Variants in PLEKHS1 observed in about 807,000 individuals in gnomAD.
The protein encoded by PLEKHS1 is pleckstrin homology domain-containing family S member 1.
PLEKHS1 carries 55 observed loss-of-function variants against 51.0 expected under a neutral mutation model. That is an observed-to-expected ratio of 1.08 (90% CI 0.87 to 1.35). PLEKHS1 has a LOEUF of 1.35. PLEKHS1 is among the 40% of genes most tolerant of loss of function. The probability of loss-of-function intolerance (pLI) is 0.00; values close to 1 mark genes in which losing one functional copy is unlikely to be tolerated. For synonymous variants in PLEKHS1, 153 were observed against 144.8 expected, an observed-to-expected ratio of 1.06 and a Z score of -0.41; for missense variants, 398 against 423.0, an observed-to-expected ratio of 0.94 and a Z score of 0.52.
At chr10:113,778,721 G>C in intron 11 of PLEKHS1, among the ~76,000 whole-genome samples, 1 of 142,962 alleles carries the variant, frequency 7.0e-6, no homozygotes. Flanking sequence ...TCGGCTCACT[G>C]CAAGCTCCGC....
exon 5 of PLEKHS1, chr10:113,767,466 A>T (rs1192070891): frequency 6.2e-7 from 1 of 1,611,738 alleles, no homozygotes; most frequent in Admixed American, 1.7e-5. Flanking sequence ...ATACTTCCTC[A>T]TTGGCCACGA....
At chr10:113,761,444 T>TTA (rs200744156) in intron 2 of PLEKHS1, among the ~76,000 whole-genome samples, 1 of 101,490 alleles carries the variant, frequency 9.9e-6, no homozygotes, top group African/African-American at 3.5e-5. Flanking sequence ...AATTTATGTC[T>TTA]CTTTATTTCA....
chr10:113,781,338 C>T (rs1428572161), exon 12 of PLEKHS1: 2 of 81,200 alleles, frequency 2.5e-5, no homozygotes, highest in African/African-American at 9.0e-5. Flanking sequence ...TTCCCAAACA[C>T]CTCTTTCCCA....
chr10:113,757,913 C>A (rs1453993944), intron 2 of PLEKHS1, among the ~76,000 whole-genome samples: 1 of 152,212 alleles, frequency 6.6e-6, no homozygotes, highest in African/African-American at 2.4e-5. Context: ...CTTTTCATAT[C>A]CCGTAAGAAG....
At chr10:113,773,444 A>ATAAG (rs1554890365) in intron 8 of PLEKHS1, among the ~76,000 whole-genome samples, 5 of 152,084 alleles carry the variant, frequency 3.3e-5, no homozygotes, top group Non-Finnish European at 5.9e-5. Flanking sequence ...AAATAAATAA[A>ATAAG]TAAGTAAAAA....
intron 8 of PLEKHS1, among the ~76,000 whole-genome samples, chr10:113,773,690 T>C (rs1232863259): frequency 6.6e-6 from 1 of 152,176 alleles, no homozygotes; most frequent in African/African-American, 2.4e-5. Flanking sequence ...AACGGTGAAC[T>C]TAGGTAGGCC....
At chr10:113,763,574 A>T (rs1286058209) in intron 2 of PLEKHS1, among the ~76,000 whole-genome samples, 1 of 151,838 alleles carries the variant, frequency 6.6e-6, no homozygotes, top group Non-Finnish European at 1.5e-5. Flanking sequence ...AATCCATTTT[A>T]TCTCCTTTGT....
exon 10 of PLEKHS1, chr10:113,774,963 T>C: frequency 6.2e-7 from 1 of 1,614,178 alleles, no homozygotes; most frequent in Non-Finnish European, 8.5e-7. Flanking sequence ...CCTGCCGATG[T>C]GGAAGCACAG....
exon 12 of PLEKHS1, chr10:113,780,884 G>T: frequency 9.4e-7 from 1 of 1,065,976 alleles, no homozygotes. Flanking sequence ...ACCCCCCTCT[G>T]AATTTCTGCA....
At chr10:113,783,351 A>C (rs2134604479), downstream of PLEKHS1, 1 of 152,360 alleles carries the variant, frequency 6.6e-6, no homozygotes, top group East Asian at 1.9e-4. Context: ...TGATACATTA[A>C]GAATGAAAGA....
At chr10:113,756,913 CTTTTTTTTTT>C (rs397845343) in intron 2 of PLEKHS1, among the ~76,000 whole-genome samples, 3 of 109,894 alleles carry the variant, frequency 2.7e-5, no homozygotes, top group South Asian at 6.1e-4. Flanking sequence ...TTAGATTGGT[CTTTTTTTTTT>C]TTTTTTTTTT....
chr10:113,765,351 A>C (rs766936943), intron 2 of PLEKHS1: 2 of 779,480 alleles, frequency 2.6e-6, no homozygotes, highest in South Asian at 2.7e-5. Context: ...TACTCTACCC[A>C]ATGCCCTGTA....
At chr10:113,780,875 C>A (rs1030967659) in exon 12 of PLEKHS1, 2 of 1,168,976 alleles carry the variant, frequency 1.7e-6, no homozygotes, top group Admixed American at 2.8e-5. Flanking sequence ...ACAGTCGGCA[C>A]CCCCCTCTGA....
At chr10:113,754,558 C>T (rs937630876) in intron 1 of PLEKHS1, among the ~76,000 whole-genome samples, 6 of 152,048 alleles carry the variant, frequency 3.9e-5, no homozygotes, top group African/African-American at 1.4e-4. Context: ...CTGCAACCTC[C>T]GCCTCCCGGG....
Position 113,780,332 on chromosome 10 carries a change from T to G in PLEKHS1, c.*-270T>G, listed in dbSNP as rs573656926. ...AGGCCTTTTTAATTCTTGGTGCAAT[T>G]GGACCCCTTAGAGCACCATCAATGC... is the stretch of plus-strand genomic sequence containing the variant. On this transcript the variant is annotated intron_variant, in intron 11 of 11. Transcript: ENST00000361048. 3.3e-5 allele frequency among the ~76,000 whole-genome samples: 5 copies of G among 152,286 alleles called. No individual in the cohort carries two copies. The South Asian group carries it at 1.0e-3, about 32-fold the overall frequency.
chr10:113,767,924 A>G (rs1426245564), intron 5 of PLEKHS1, among the ~76,000 whole-genome samples: 1 of 152,172 alleles, frequency 6.6e-6, no homozygotes, highest in East Asian at 1.9e-4. Flanking sequence ...TAAGAACATC[A>G]GTAATATTGG....
At chr10:113,769,817 T>A (rs41292632) in exon 7 of PLEKHS1, 287,405 of 1,612,868 alleles carry the variant, frequency 0.18, 27,351 homozygotes, top group East Asian at 0.31. Context: ...AAGAACCCTC[T>A]TCTACTCCAG....
rs537676649 is a variant in PLEKHS1 at position 113,755,346 on chromosome 10, T to C, written c.28+41T>C. The C allele has an allele frequency of 3.1e-6, 5 of 1,595,068 alleles. No homozygotes were observed. In the African/African-American group the frequency reaches 5.4e-5, roughly 17 times the overall value. ...AATCGCAGAAGCAGAAATCTTTTTA[T>C]TGAAAATGCCCCACGGTTTCCTTCA... is the stretch of plus-strand genomic sequence containing the variant. On this transcript the variant is annotated intron_variant, in intron 2 of 11. Coordinates refer to ENST00000361048, the Ensembl canonical transcript of PLEKHS1.
At chr10:113,770,937 G>C (rs1293278543) in intron 7 of PLEKHS1, among the ~76,000 whole-genome samples, 4 of 152,338 alleles carry the variant, frequency 2.6e-5, no homozygotes, top group Admixed American at 2.6e-4. Flanking sequence ...CCCCAACTCA[G>C]CATGATCCGG....
Sources: gnomAD v4.1 joint callset for allele counts (sites outside exome capture counted in the v4.1 genomes callset) on GRCh38, gnomAD v4.1.1 for gene constraint, MANE v1.5 for transcripts, NCBI Gene and HGNC (gene_info 2026-07-23, HGNC 2026-07-21) for gene names.